RUNX1: variants seen among roughly 807,000 people sequenced by gnomAD.
RUNX1 encodes the protein RUNX family transcription factor 1.
A neutral mutation model predicts 42.8 loss-of-function variants in RUNX1; 19 were observed. That is an observed-to-expected ratio of 0.44 (90% CI 0.31 to 0.65). The LOEUF is 0.65. Ranked by LOEUF, RUNX1 falls within the 30% of genes least tolerant of loss-of-function variation. RUNX1 has a pLI of 0.07. For missense variants in RUNX1, 528 were observed against 672.0 expected (o/e 0.79, Z 2.37); for synonymous variants, 271 against 289.4 (o/e 0.94, Z 0.64).
At chr21:34,964,501 A>G (rs894450500) in intron 2 of RUNX1, among the ~76,000 whole-genome samples, 1 of 151,866 alleles carries the variant, frequency 6.6e-6, no homozygotes, top group Admixed American at 6.6e-5. Context: ...AAAAAAAAAA[A>G]AAGAAAAGAA....
At chr21:34,922,162 C>A (rs1569105985) in intron 2 of RUNX1, among the ~76,000 whole-genome samples, 1 of 152,102 alleles carries the variant, frequency 6.6e-6, no homozygotes, top group African/African-American at 2.4e-5. Flanking sequence ...GGAGACAGGA[C>A]TGTAAGTGGG....
intron 2 of RUNX1, among the ~76,000 whole-genome samples, chr21:35,047,863 C>G (rs566979051): frequency 6.6e-5 from 10 of 152,174 alleles, no homozygotes; most frequent in Non-Finnish European, 1.3e-4. Context: ...AGTGCGTGCC[C>G]CGACGCACAC....
rs2058318054 is a variant in RUNX1 at position 34,917,199 on chromosome 21, G to C, written c.59-24236C>G. Among the ~76,000 whole-genome samples, 3 of 152,228 alleles carry C rather than the reference G, an allele frequency of 2.0e-5. 1 individual carries two copies. In the South Asian group the frequency reaches 6.2e-4, roughly 31 times the overall value. The stretch of plus-strand genomic sequence containing the variant: ...AGCCTGAGGAATCAGTGAAAAGAAT[G>C]AGTAGGCAGAGATTGAAAGCCCATC... On this transcript the variant is annotated intron_variant, in intron 2 of 8. Coordinates refer to ENST00000675419, the MANE Select transcript of RUNX1 (RefSeq NM_001754.5).
At chr21:34,834,131 G>A in intron 7 of RUNX1, 1 of 664,858 alleles carries the variant, frequency 1.5e-6, no homozygotes, top group Non-Finnish European at 2.8e-6. Flanking sequence ...TATCCAATAT[G>A]GATATCCATA....
At chr21:34,933,608 T>C (rs1188521560) in intron 2 of RUNX1, among the ~76,000 whole-genome samples, 2 of 152,180 alleles carry the variant, frequency 1.3e-5, no homozygotes, top group East Asian at 3.8e-4. Flanking sequence ...TAGCTGAAAG[T>C]AGAGTATTTT....
At chr21:34,855,747 T>C (rs977682712) in intron 6 of RUNX1, among the ~76,000 whole-genome samples, 3 of 152,034 alleles carry the variant, frequency 2.0e-5, no homozygotes, top group African/African-American at 7.2e-5. Context: ...CTCTCAAATA[T>C]CCTTTTCTTG....
At chr21:34,889,394 A>G (rs1228562034) in intron 3 of RUNX1, among the ~76,000 whole-genome samples, 3 of 151,306 alleles carry the variant, frequency 2.0e-5, no homozygotes, top group Non-Finnish European at 4.4e-5. Flanking sequence ...GGTGTTTTTT[A>G]CCGCTGCGCC....
rs564027060 is a variant in RUNX1, at chr21:34,888,703, T to C, written c.98-1607A>G. On this transcript the variant is annotated intron_variant, in intron 3 of 8. Coordinates refer to ENST00000675419, the MANE Select transcript of RUNX1 (RefSeq NM_001754.5). The stretch of plus-strand genomic sequence containing the variant: ...CGCTGGCTCTATGAATGAGAGTGCC[T>C]GGAAATGAACGTGCTTTTACTGTAA... The C allele has an allele frequency of 7.9e-3, 8,188 of 1,033,650 alleles. 33 individuals are homozygous for C. Among genetic ancestry groups the C allele is most frequent in the Non-Finnish European group, 9.0e-3 (7,720 of 858,972 alleles). 64.0% of individuals were successfully genotyped at this position (1,033,650 alleles called of 1,614,324 possible). A position where few individuals can be genotyped will look rare whatever the true frequency, so the allele number is the denominator to read the frequency against.
At chr21:35,020,351 A>C (rs553561999) in intron 2 of RUNX1, among the ~76,000 whole-genome samples, 1 of 152,258 alleles carries the variant, frequency 6.6e-6, no homozygotes, top group East Asian at 1.9e-4. Flanking sequence ...CCACGGGTAG[A>C]AAACACAGTG....
At chr21:34,885,054 A>ACT (rs1208897528) in intron 4 of RUNX1, among the ~76,000 whole-genome samples, 2 of 152,122 alleles carry the variant, frequency 1.3e-5, no homozygotes, top group African/African-American at 4.8e-5. Flanking sequence ...ATGGCTTGAG[A>ACT]CTCTGAATTG....
chr21:34,843,110 A>G lies in RUNX1; in HGVS notation c.614-8509T>C, dbSNP rs2057264511. On this transcript the variant is annotated intron_variant, in intron 6 of 8. Transcript: ENST00000675419. The surrounding 1 kb of genome is among the most constrained non-coding windows in gnomAD (Gnocchi z 4.8). The stretch of plus-strand genomic sequence containing the variant: ...ACAAAATATAGATACACATGGACAC[A>G]CATGTATAAACACACATACAGACAC... Among the ~76,000 whole-genome samples the G allele has an allele frequency of 6.6e-6, 1 of 152,044 alleles. No homozygotes were observed. The highest frequency in any genetic ancestry group is 2.1e-4 in the South Asian group (1 of 4,812).
intron 2 of RUNX1, among the ~76,000 whole-genome samples, chr21:34,906,729 T>G (rs771834452): frequency 1.6e-4 from 25 of 152,304 alleles, no homozygotes; most frequent in Non-Finnish European, 3.4e-4. Context: ...AAGGACTCCT[T>G]TTGCTTCTGA....
chr21:34,787,897 C>A lies in RUNX1; in HGVS notation c.*4238G>T, dbSNP rs138870671. On this transcript the variant is annotated 3_prime_UTR_variant, in exon 9 of 9. Transcript: ENST00000675419. The stretch of plus-strand genomic sequence containing the variant: ...ACTGTGGTACAAAGAGAGGAAGGCT[C>A]TGGTGGCTCCTGAACAGCAGCAGTC... The A allele has an allele frequency of 4.0e-3, 939 of 233,384 alleles. 2 individuals carry two copies. Among genetic ancestry groups the A allele is most frequent in the Non-Finnish European group, 5.2e-3 (617 of 118,104 alleles). The allele number at this position is 233,384 out of a possible 1,614,324, so 14.5% of individuals were successfully genotyped here. A position where few individuals can be genotyped will look rare whatever the true frequency, so the allele number is the denominator to read the frequency against.
chr21:35,020,591 T>C (rs2059191231), intron 2 of RUNX1, among the ~76,000 whole-genome samples: 1 of 152,116 alleles, frequency 6.6e-6, no homozygotes, highest in African/African-American at 2.4e-5. Flanking sequence ...GTCCAGGTAC[T>C]CTCTTAGTCA....
At chr21:35,005,070 T>C (rs1385641010) in intron 2 of RUNX1, among the ~76,000 whole-genome samples, 1 of 152,190 alleles carries the variant, frequency 6.6e-6, no homozygotes, top group African/African-American at 2.4e-5. Flanking sequence ...CACTGAATTG[T>C]TGAAAGAGAA....
At chr21:35,036,991 G>A (rs1047114721) in intron 2 of RUNX1, among the ~76,000 whole-genome samples, 1 of 152,162 alleles carries the variant, frequency 6.6e-6, no homozygotes, top group Non-Finnish European at 1.5e-5. Context: ...CTGTACATGT[G>A]TTCCATGGCC....
chr21:34,958,955 A>T (rs1285468318), intron 2 of RUNX1, among the ~76,000 whole-genome samples: 1 of 152,090 alleles, frequency 6.6e-6, no homozygotes, highest in Non-Finnish European at 1.5e-5. Context: ...CAAAGACAAA[A>T]AACCAAACAC....
intron 7 of RUNX1, among the ~76,000 whole-genome samples, chr21:34,825,858 G>C (rs1386423624): frequency 6.6e-6 from 1 of 152,186 alleles, no homozygotes; most frequent in Non-Finnish European, 1.5e-5. Context: ...ACACAAAGGA[G>C]GCCATATAAA....
intron 2 of RUNX1, among the ~76,000 whole-genome samples, chr21:35,024,447 C>G (rs1480671757): frequency 6.6e-6 from 1 of 152,214 alleles, no homozygotes; most frequent in African/African-American, 2.4e-5. Flanking sequence ...AGCAACCTAA[C>G]CAATACCCTA....
Sources: allele counts gnomAD v4.1 joint callset (sites outside exome capture counted in the v4.1 genomes callset), GRCh38; gene constraint gnomAD v4.1.1; non-coding constraint Gnocchi (gnomAD v3.1); transcripts MANE v1.5; gene names NCBI Gene and HGNC (gene_info 2026-07-23, HGNC 2026-07-21).